NCAM2: variants seen among roughly 807,000 people sequenced by gnomAD.
The protein encoded by NCAM2 is neural cell adhesion molecule 2.
A neutral mutation model predicts 98.1 loss-of-function variants in NCAM2; 30 were observed. That is an observed-to-expected ratio of 0.31 (90% CI 0.23 to 0.41). The LOEUF (loss-of-function observed/expected upper bound fraction) is 0.41, where lower values mean the gene tolerates loss of function less well. Ranked by LOEUF, NCAM2 falls within the 10% of genes least tolerant of loss-of-function variation. The pLI, the probability that NCAM2 is intolerant of heterozygous loss-of-function variation, is 1.00. For synonymous variants in NCAM2, 368 were observed against 342.4 expected (o/e 1.07, Z -0.83); for missense variants, 867 against 1,005.8 (o/e 0.86, Z 1.87).
At chr21:21,250,443 C>T (rs1054776577) in intron 1 of NCAM2, among the ~76,000 whole-genome samples, 8 of 152,098 alleles carry the variant, frequency 5.3e-5, no homozygotes, top group East Asian at 1.9e-4. Context: ...CAGAGCATTT[C>T]GAGGAATGCA....
chr21:21,279,293 G>A (rs1260931074), intron 1 of NCAM2, among the ~76,000 whole-genome samples: 1 of 152,108 alleles, frequency 6.6e-6, no homozygotes, highest in African/African-American at 2.4e-5. Context: ...TCACCATTGG[G>A]TTGACTGATT....
chr21:21,115,422 C>A (rs1208810665), intron 1 of NCAM2, among the ~76,000 whole-genome samples: 1 of 152,088 alleles, frequency 6.6e-6, no homozygotes, highest in Non-Finnish European at 1.5e-5. Flanking sequence ...ACATTAAAAT[C>A]TACCAGTTTA....
intron 1 of NCAM2, among the ~76,000 whole-genome samples, chr21:21,104,104 T>C (rs2066296638): frequency 6.6e-6 from 1 of 152,142 alleles, no homozygotes; most frequent in African/African-American, 2.4e-5. Flanking sequence ...ATTAACTTTT[T>C]TGAAACTCAA....
At chr21:21,078,120 G>A (rs8128808) in intron 1 of NCAM2, among the ~76,000 whole-genome samples, 31,930 of 151,944 alleles carry the variant, frequency 0.21, 3,789 homozygotes, top group African/African-American at 0.3. Context: ...TATAAGGGGA[G>A]TTTATTTGAT....
chr21:21,335,568 T>C lies in NCAM2; in HGVS notation c.801T>C (p.Thr267=). 2 of 1,611,430 alleles carry C rather than the reference T, an allele frequency of 1.2e-6. No homozygotes were observed. The highest frequency in any genetic ancestry group is 1.7e-6 in the Non-Finnish European group (2 of 1,178,636). Reference sequence around the variant, plus strand: ...TGAAAGGGAGCAATACAGAACTCACTGTCAGGAACATAATCAATAGTGATG... The same window carrying C: ...TGAAAGGGAGCAATACAGAACTCACCGTCAGGAACATAATCAATAGTGATG... ...YILKGSNTEL[T]VRNIINSDGG... The change falls in exon 7 of 18, where the codon ACT becomes ACC. Residue 267 remains threonine, a synonymous_variant. Coordinates refer to ENST00000400546, the MANE Select transcript of NCAM2 (RefSeq NM_004540.5).
chr21:21,065,188 C>CA (rs1056820006), intron 1 of NCAM2, among the ~76,000 whole-genome samples: 1 of 151,134 alleles, frequency 6.6e-6, no homozygotes, highest in Non-Finnish European at 1.5e-5. Context: ...TCAAAAAAAA[C>CA]AAAAAACAAA....
chr21:21,008,456 C>G (rs1218867254), intron 1 of NCAM2, among the ~76,000 whole-genome samples: 2 of 152,140 alleles, frequency 1.3e-5, no homozygotes, highest in African/African-American at 4.8e-5. Context: ...TCTAATGAAG[C>G]CCCACAGTTA....
At chr21:21,536,444 T>C (rs1989987712) in intron 17 of NCAM2, among the ~76,000 whole-genome samples, 1 of 150,502 alleles carries the variant, frequency 6.6e-6, no homozygotes, top group Admixed American at 6.7e-5. Context: ...CAGGCTGGAG[T>C]GCAATGGCGC....
Position 21,003,659 on chromosome 21 carries a change from CATTT to C in NCAM2, c.55+5047_55+5050del, listed in dbSNP as rs1221608824. The stretch of plus-strand genomic sequence containing the variant: ...TACAGATTAATTTGTGGCTTATAAA[CATTT>C]ATTTAGTTTTAAAAAATCATCATAA... On this transcript the variant is annotated intron_variant, in intron 1 of 17. Transcript: ENST00000400546. Among the ~76,000 whole-genome samples the C allele has an allele frequency of 4.6e-5, 7 of 152,116 alleles. No homozygotes were observed. The South Asian group carries it at 8.3e-4, about 18-fold the overall frequency.
At position 21,508,969 on chromosome 21, in the gene NCAM2, G is replaced by A. The variant is rs922696384; in HGVS notation, c.2196G>A (p.Leu732=). The part of the protein sequence containing the change: ...SCFFIRQCGL[L]MCITRRMCGK... ...TCTTTATTCGGCAATGTGGGTTGCT[G>A]ATGTGCATCACTAGGAGAATGTGTG... The change falls in exon 16 of 18, where the codon CTG becomes CTA. Residue 732 remains leucine (L), a synonymous_variant. Coordinates refer to ENST00000400546, the MANE Select transcript of NCAM2 (RefSeq NM_004540.5). 2.5e-6 allele frequency: 4 copies of A among 1,613,364 alleles called. No homozygotes were observed. In the African/African-American group the frequency reaches 4.0e-5, roughly 16 times the overall value.
chr21:21,068,135 CTTTTTTTT>C lies in NCAM2; in HGVS notation c.55+69529_55+69536del, dbSNP rs68078560. On this transcript the variant is annotated intron_variant, in intron 1 of 17. Transcript: ENST00000400546. Reference sequence around the variant, plus strand: ...ACTACTAAAATAATGACTTTTTTTTCTTTTTTTTTTTTTTTTTTTGAGACGGAGTCTTG... The same window carrying C: ...ACTACTAAAATAATGACTTTTTTTTCTTTTTTTTTTTGAGACGGAGTCTTG... Among the ~76,000 whole-genome samples, 402 of 88,596 alleles carry C rather than the reference CTTTTTTTT, an allele frequency of 4.5e-3. 2 individuals are homozygous for C. Among genetic ancestry groups the C allele is most frequent in the African/African-American group, 0.016 (393 of 24,772 alleles). 58.1% of individuals were successfully genotyped at this position (88,596 alleles called of 152,430 possible).
intron 14 of NCAM2, among the ~76,000 whole-genome samples, chr21:21,474,949 CTTTT>C (rs955750700): frequency 2.7e-5 from 4 of 150,762 alleles, no homozygotes; most frequent in African/African-American, 9.7e-5. Context: ...TTTGGGTTGA[CTTTT>C]TAAGCTTTTT....
At chr21:21,420,913 A>C (rs947606475) in intron 11 of NCAM2, among the ~76,000 whole-genome samples, 4 of 151,954 alleles carry the variant, frequency 2.6e-5, no homozygotes, top group Non-Finnish European at 5.9e-5. Flanking sequence ...AAATTGAAGA[A>C]TCAACTGTAC....
At chr21:21,085,964 CTA>C (rs1214284496) in intron 1 of NCAM2, among the ~76,000 whole-genome samples, 4 of 152,098 alleles carry the variant, frequency 2.6e-5, no homozygotes, top group African/African-American at 9.7e-5. Context: ...ACTGCAGAAA[CTA>C]TGTAAGTCTT....
intron 1 of NCAM2, among the ~76,000 whole-genome samples, chr21:21,238,456 C>T (rs1252804187): frequency 6.6e-6 from 1 of 151,962 alleles, no homozygotes; most frequent in Non-Finnish European, 1.5e-5. Context: ...AATGTATATT[C>T]TGAACATGGA....
At chr21:21,002,235 A>G (rs1017444734) in intron 1 of NCAM2, among the ~76,000 whole-genome samples, 2 of 152,142 alleles carry the variant, frequency 1.3e-5, no homozygotes, top group African/African-American at 4.8e-5. Flanking sequence ...TTAATGCAGA[A>G]TCGGAGCCCA....
At chr21:21,361,910 CT>C (rs1331822961) in intron 8 of NCAM2, among the ~76,000 whole-genome samples, 2 of 152,130 alleles carry the variant, frequency 1.3e-5, no homozygotes, top group East Asian at 1.9e-4. Flanking sequence ...TTAACTGTTA[CT>C]TTTGGTTCAG....
chr21:21,069,953 A>G (rs1026816521), intron 1 of NCAM2, among the ~76,000 whole-genome samples: 18 of 152,012 alleles, frequency 1.2e-4, no homozygotes, highest in African/African-American at 4.3e-4. Context: ...TTTAAAACAT[A>G]TTTTCTTGCA....
At chr21:21,015,877 T>G (rs1011170983) in intron 1 of NCAM2, among the ~76,000 whole-genome samples, 4 of 152,036 alleles carry the variant, frequency 2.6e-5, no homozygotes, top group Non-Finnish European at 4.4e-5. Flanking sequence ...CTAATTTTTT[T>G]TTTGTATTTT....
Sources: gnomAD v4.1 joint callset for allele counts (sites outside exome capture counted in the v4.1 genomes callset) on GRCh38, gnomAD v4.1.1 for gene constraint, MANE v1.5 for transcripts, NCBI Gene and HGNC (gene_info 2026-07-23, HGNC 2026-07-21) for gene names.